SSBP2: variants seen among roughly 807,000 people sequenced by gnomAD.
SSBP2 encodes single stranded DNA binding protein 2.
A neutral mutation model predicts 61.8 loss-of-function variants in SSBP2; 17 were observed. The ratio of observed to expected loss-of-function variants is 0.28; its 90% CI spans 0.19 to 0.41. SSBP2 has a LOEUF of 0.41. SSBP2 is among the 10% of genes least tolerant of loss of function. The pLI is 1.00. For synonymous variants in SSBP2, 139 were observed against 141.3 expected (o/e 0.98, Z 0.12); for missense variants, 310 against 458.7 (o/e 0.68, Z 2.96).
chr5:81,439,508 C>CT (rs71000833), intron 14 of SSBP2, among the ~76,000 whole-genome samples: 65,857 of 143,220 alleles, frequency 0.46, 18,181 homozygotes, highest in African/African-American at 0.79. Flanking sequence ...TTTTCTTTTT[C>CT]TTTTTTTTTT....
intron 4 of SSBP2, among the ~76,000 whole-genome samples, chr5:81,597,693 T>C (rs1302494132): frequency 6.6e-6 from 1 of 151,776 alleles, no homozygotes; most frequent in East Asian, 1.9e-4. Flanking sequence ...AAATGATGAG[T>C]TCATGTCCTT....
chr5:81,681,507 CA>C (rs1247365679), intron 1 of SSBP2, among the ~76,000 whole-genome samples: 2 of 138,312 alleles, frequency 1.4e-5, no homozygotes, highest in African/African-American at 5.7e-5. Flanking sequence ...GCAACAGAGC[CA>C]GGCTCCACCT....
intron 4 of SSBP2, among the ~76,000 whole-genome samples, chr5:81,558,917 A>G (rs190766095): frequency 4.2e-4 from 64 of 152,346 alleles, no homozygotes; most frequent in Non-Finnish European, 1.6e-4. Context: ...TCAGAGGAAC[A>G]TCTAAGAAGT....
chr5:81,637,435 G>C (rs1748343039), intron 2 of SSBP2, among the ~76,000 whole-genome samples: 1 of 152,124 alleles, frequency 6.6e-6, no homozygotes, highest in Admixed American at 6.5e-5. Context: ...ATTCTCTGTT[G>C]AAACACTCAG....
At chr5:81,522,944 T>C (rs769861886) in intron 4 of SSBP2, among the ~76,000 whole-genome samples, 9 of 151,838 alleles carry the variant, frequency 5.9e-5, no homozygotes, top group Non-Finnish European at 1.0e-4. Flanking sequence ...AGAAATAACA[T>C]CAAAAACAAA....
At chr5:81,434,886 C>A (rs1398504432) in intron 15 of SSBP2, among the ~76,000 whole-genome samples, 1 of 152,030 alleles carries the variant, frequency 6.6e-6, no homozygotes, top group African/African-American at 2.4e-5. Flanking sequence ...CTGAAAAAAT[C>A]AGTCTGGGAG....
chr5:81,650,406 T>C, intron 1 of SSBP2, 67 bp from the exon 2 acceptor site: 1 of 1,117,024 alleles, frequency 9.0e-7, no homozygotes, highest in Non-Finnish European at 1.3e-6. Flanking sequence ...ATAATGCACA[T>C]CTTTCCATTG....
At chr5:81,468,580 C>T (rs976450101) in intron 8 of SSBP2, among the ~76,000 whole-genome samples, 6 of 151,924 alleles carry the variant, frequency 3.9e-5, no homozygotes, top group African/African-American at 1.4e-4. Context: ...CCCAACCATA[C>T]CCTCCAACCT....
rs569583539 is a variant in SSBP2 at position 81,691,896 on chromosome 5, G to T, written c.63-41557C>A. ...GTAAGATTTATTTCAGGGGTGCAAG[G>T]ATGGTTCAACAGATGCAAATCAATC... On this transcript the variant is annotated intron_variant, in intron 1 of 16. Transcript: ENST00000320672. 3.3e-5 allele frequency among the ~76,000 whole-genome samples: 5 copies of T among 152,212 alleles called. No homozygotes were observed. The East Asian group carries it at 7.7e-4, about 24-fold the overall frequency.
intron 12 of SSBP2, among the ~76,000 whole-genome samples, chr5:81,445,872 A>G (rs1252222662): frequency 2.0e-5 from 3 of 152,132 alleles, no homozygotes; most frequent in Non-Finnish European, 4.4e-5. Flanking sequence ...TTTGTTTTCT[A>G]CTTTCTAGAT....
At chr5:81,582,163 T>A (rs1249133870) in intron 4 of SSBP2, among the ~76,000 whole-genome samples, 1 of 152,172 alleles carries the variant, frequency 6.6e-6, no homozygotes, top group Non-Finnish European at 1.5e-5. Context: ...CATTCATCTT[T>A]GTTTGGGGTT....
chr5:81,439,222 C>A (rs1474670367), intron 14 of SSBP2, among the ~76,000 whole-genome samples: 1 of 151,844 alleles, frequency 6.6e-6, no homozygotes, highest in Non-Finnish European at 1.5e-5. Flanking sequence ...AAAAGATGAA[C>A]CCTTTCCAAA....
chr5:81,737,106 A>C (rs1196818253), intron 1 of SSBP2, among the ~76,000 whole-genome samples: 1 of 152,110 alleles, frequency 6.6e-6, no homozygotes, highest in Non-Finnish European at 1.5e-5. Context: ...ACCTAACTAA[A>C]GCTAAAAACC....
At chr5:81,667,123 A>G (rs1751201078) in intron 1 of SSBP2, among the ~76,000 whole-genome samples, 1 of 152,158 alleles carries the variant, frequency 6.6e-6, no homozygotes, top group South Asian at 2.1e-4. Flanking sequence ...GTGGAGTCCT[A>G]TCATCATCCT....
rs1749259228 is a variant in SSBP2 at position 81,646,292 on chromosome 5, A to T, written c.135+3975T>A. On this transcript the variant is annotated intron_variant, in intron 2 of 16. Coordinates refer to ENST00000320672, the MANE Select transcript of SSBP2 (RefSeq NM_012446.5). Reference sequence around the variant, plus strand: ...GAAGAAGTGGTCTACTTCTCCTTGAACCAGGGTGAGAACATTGGATAATGT... The same window carrying T: ...GAAGAAGTGGTCTACTTCTCCTTGATCCAGGGTGAGAACATTGGATAATGT... Among the ~76,000 whole-genome samples the T allele has an allele frequency of 4.6e-5, 7 of 152,150 alleles. No individual in the cohort carries two copies. In the South Asian group the frequency reaches 1.5e-3, roughly 32 times the overall value.
intron 4 of SSBP2, among the ~76,000 whole-genome samples, chr5:81,546,957 A>G (rs1056427006): frequency 1.3e-5 from 2 of 149,346 alleles, no homozygotes; most frequent in African/African-American, 2.5e-5. Context: ...ATACACGAGA[A>G]CAATGATTGT....
intron 4 of SSBP2, among the ~76,000 whole-genome samples, chr5:81,520,941 C>T (rs1769433195): frequency 6.6e-6 from 1 of 151,982 alleles, no homozygotes; most frequent in Non-Finnish European, 1.5e-5. Flanking sequence ...GTAATCACTG[C>T]CTTGAATCTA....
intron 1 of SSBP2, among the ~76,000 whole-genome samples, chr5:81,660,692 A>C (rs1335248833): frequency 2.0e-5 from 3 of 152,218 alleles, no homozygotes; most frequent in Non-Finnish European, 4.4e-5. Flanking sequence ...ATTCTACTAT[A>C]AAGACATATG....
At chr5:81,424,819 T>C (rs1761851436) in intron 16 of SSBP2, among the ~76,000 whole-genome samples, 1 of 152,212 alleles carries the variant, frequency 6.6e-6, no homozygotes. Flanking sequence ...AGTATCATAT[T>C]TAGAGACATA....
Sources: gnomAD v4.1 joint callset for allele counts (sites outside exome capture counted in the v4.1 genomes callset) on GRCh38, gnomAD v4.1.1 for gene constraint, MANE v1.5 for transcripts, NCBI Gene and HGNC (gene_info 2026-07-23, HGNC 2026-07-21) for gene names.